Variants in ROBO2 observed in about 807,000 individuals in gnomAD.
ROBO2 encodes the protein roundabout homolog 2.
ROBO2 carries 53 observed loss-of-function variants against 160.8 expected under a neutral mutation model. The ratio of observed to expected loss-of-function variants is 0.33; its 90% CI spans 0.26 to 0.41. The LOEUF (loss-of-function observed/expected upper bound fraction) is 0.41. Ranked by LOEUF, ROBO2 falls within the 10% of genes least tolerant of loss-of-function variation. The pLI, the probability that ROBO2 is intolerant of heterozygous loss-of-function variation, is 1.00. For synonymous variants in ROBO2, 664 were observed against 611.7 expected, an observed-to-expected ratio of 1.09 and a Z score of -1.26; for missense variants, 1,577 against 1,722.4, an observed-to-expected ratio of 0.92 and a Z score of 1.49.
chr3:76,608,383 A>G (rs940215135), intron 2 of ROBO2, among the ~76,000 whole-genome samples: 5 of 152,204 alleles, frequency 3.3e-5, no homozygotes, highest in African/African-American at 1.2e-4. Flanking sequence ...AAGGAAAGAC[A>G]AAATTAAAAT....
At chr3:76,088,499 T>A (rs1315755572) in intron 2 of ROBO2, among the ~76,000 whole-genome samples, 4 of 151,558 alleles carry the variant, frequency 2.6e-5, no homozygotes, top group South Asian at 2.1e-4. Flanking sequence ...TTAAAAAAAA[T>A]AGAAACCATG....
At chr3:77,412,770 C>T (rs959790992) in intron 2 of ROBO2, among the ~76,000 whole-genome samples, 14 of 152,216 alleles carry the variant, frequency 9.2e-5, no homozygotes, top group African/African-American at 3.1e-4. Flanking sequence ...GGGCCCAACC[C>T]CACACTTCCT....
Position 77,484,455 on chromosome 3 carries a change from A to G in ROBO2, c.667+3236A>G, listed in dbSNP as rs372656392. 6.0e-4 allele frequency among the ~76,000 whole-genome samples: 92 copies of G among 152,086 alleles called. 8 individuals carry two copies. In the South Asian group the frequency reaches 0.012, roughly 20 times the overall value. ...TTTATGTGTAACATTTGTAAAATAT[A>G]ATAAGTATTACAAAACTTAGAATGA... On this transcript the variant is annotated intron_variant, in intron 4 of 25. Coordinates refer to ENST00000461745, the Ensembl canonical transcript of ROBO2.
chr3:76,588,628 A>C (rs2086214757), intron 2 of ROBO2, among the ~76,000 whole-genome samples: 1 of 152,228 alleles, frequency 6.6e-6, no homozygotes, highest in Non-Finnish European at 1.5e-5. Context: ...GTTATTTAAT[A>C]TAAAGATGTC....
At chr3:76,258,028 TC>T (rs1167576915) in intron 2 of ROBO2, among the ~76,000 whole-genome samples, 1 of 152,168 alleles carries the variant, frequency 6.6e-6, no homozygotes, top group Non-Finnish European at 1.5e-5. Flanking sequence ...TTTTCTCTCA[TC>T]ATCCACTAAT....
chr3:76,232,827 A>G (rs1381981202), intron 2 of ROBO2, among the ~76,000 whole-genome samples: 2 of 151,330 alleles, frequency 1.3e-5, no homozygotes, highest in Non-Finnish European at 2.9e-5. Flanking sequence ...CAAACCTTTC[A>G]CTCCCTCCCA....
chr3:76,945,181 A>AAATGGCAGAAATGAC (rs1189874782), intron 2 of ROBO2, among the ~76,000 whole-genome samples: 6 of 152,130 alleles, frequency 3.9e-5, no homozygotes, highest in Non-Finnish European at 8.8e-5. Context: ...AATATGGTAG[A>AAATGGCAGAAATGAC]AGAGATGATA....
intron 4 of ROBO2, among the ~76,000 whole-genome samples, chr3:77,488,346 C>G (rs747164724): frequency 5.3e-5 from 8 of 152,194 alleles, no homozygotes; most frequent in Non-Finnish European, 1.2e-4. Flanking sequence ...AATTAGAGAT[C>G]AGCCCATTCA....
At chr3:77,637,723 G>T (rs866171414) in intron 24 of ROBO2, among the ~76,000 whole-genome samples, 5 of 152,086 alleles carry the variant, frequency 3.3e-5, no homozygotes, top group African/African-American at 1.2e-4. Flanking sequence ...TCTAGGTATA[G>T]AATTTTCTGT....
chr3:77,164,990 G>A lies in ROBO2; in HGVS notation c.388+66650G>A, dbSNP rs951834367. Among the ~76,000 whole-genome samples the A allele has an allele frequency of 3.4e-5, 5 of 148,108 alleles. 1 individual carries two copies. Among genetic ancestry groups the A allele is most frequent in the African/African-American group, 1.2e-4 (5 of 40,546 alleles). ...CCGCCCCGTCCGGGAGGTGAGGGGCGCCTCTGCCCGGCGGCCCTTACTGGG... is the reference window on the plus strand; with the variant it reads ...CCGCCCCGTCCGGGAGGTGAGGGGCACCTCTGCCCGGCGGCCCTTACTGGG... On this transcript the variant is annotated intron_variant, in intron 2 of 25. Transcript: ENST00000461745.
chr3:76,673,919 G>A (rs569247873), intron 2 of ROBO2, among the ~76,000 whole-genome samples: 184 of 152,166 alleles, frequency 1.2e-3, no homozygotes, highest in African/African-American at 4.0e-3. Flanking sequence ...GTCTTATAAT[G>A]TGATCTATGT....
chr3:76,315,305 T>G (rs909236483), intron 2 of ROBO2, among the ~76,000 whole-genome samples: 3 of 152,206 alleles, frequency 2.0e-5, no homozygotes, highest in African/African-American at 7.2e-5. Context: ...GAAAATTATT[T>G]CACACAACAG....
intron 2 of ROBO2, among the ~76,000 whole-genome samples, chr3:76,520,344 G>A (rs1220574645): frequency 6.6e-6 from 1 of 152,128 alleles, no homozygotes; most frequent in African/African-American, 2.4e-5. Context: ...CCAGTTACTT[G>A]GGAGGCTGAG....
chr3:76,523,146 C>T (rs893503016), intron 2 of ROBO2, among the ~76,000 whole-genome samples: 3 of 151,558 alleles, frequency 2.0e-5, no homozygotes, highest in African/African-American at 2.4e-5. Flanking sequence ...TTTGTTTAGT[C>T]TTTACAGAAG....
chr3:77,565,012 A>C (rs756008350), exon 12 of ROBO2: 1 of 1,613,504 alleles, frequency 6.2e-7, no homozygotes, highest in Non-Finnish European at 8.5e-7. Flanking sequence ...CACCCTCTAT[A>C]CTGTAAGAGG....
chr3:76,927,812 C>T (rs1288669298), intron 2 of ROBO2, among the ~76,000 whole-genome samples: 1 of 151,932 alleles, frequency 6.6e-6, no homozygotes, highest in East Asian at 1.9e-4. Flanking sequence ...CATTCAGTAA[C>T]ACAAATAGCA....
At chr3:76,081,144 T>TA (rs147701403) in intron 2 of ROBO2, among the ~76,000 whole-genome samples, 11,066 of 151,648 alleles carry the variant, frequency 0.073, 1,044 homozygotes, top group African/African-American at 0.22. Context: ...AGTTTTTTTT[T>TA]ACAAAATTTT....
chr3:76,493,734 C>G (rs1227831402), intron 2 of ROBO2, among the ~76,000 whole-genome samples: 2 of 152,106 alleles, frequency 1.3e-5, no homozygotes, highest in East Asian at 3.9e-4. Flanking sequence ...TACTGCTGGT[C>G]CCTGACCCCT....
chr3:75,974,627 ACAGTGTTT>A (rs1387859817), intron 2 of ROBO2, among the ~76,000 whole-genome samples: 1 of 151,586 alleles, frequency 6.6e-6, no homozygotes, highest in Non-Finnish European at 1.5e-5. Context: ...ATTTGGCTAA[ACAGTGTTT>A]CAGATTTTAC....
Sources: gnomAD v4.1 joint callset for allele counts (sites outside exome capture counted in the v4.1 genomes callset) on GRCh38, gnomAD v4.1.1 for gene constraint, MANE v1.5 for transcripts, NCBI Gene and HGNC (gene_info 2026-07-23, HGNC 2026-07-21) for gene names.